The following SLC38A6 variants were observed in gnomAD, a reference collection of about 807,000 sequenced individuals.
The protein encoded by SLC38A6 is solute carrier family 38 member 6.
In SLC38A6, 73 loss-of-function variants were observed where a neutral mutation model predicts 65.0. The ratio of observed to expected loss-of-function variants is 1.12; its 90% confidence interval spans 0.93 to 1.37. The LOEUF (loss-of-function observed/expected upper bound fraction) is 1.37, where lower values mean the gene tolerates loss of function less well. Among genes scored for constraint, SLC38A6 ranks in the 40% most tolerant of loss-of-function variants. SLC38A6 has a pLI of 0.00. For synonymous variants in SLC38A6, 183 were observed against 178.8 expected (o/e 1.02, Z -0.19); for missense variants, 561 against 531.1 (o/e 1.06, Z -0.55).
At chr14:60,988,632 T>G (rs1042934086) in intron 3 of SLC38A6, among the ~76,000 whole-genome samples, 3 of 152,194 alleles carry the variant, frequency 2.0e-5, no homozygotes, top group Non-Finnish European at 4.4e-5. Flanking sequence ...TGTTTCTAAC[T>G]CACCCTCTCA....
At chr14:61,055,415 A>G (rs1386156163), downstream of SLC38A6, among the ~76,000 whole-genome samples, 7 of 5,384 alleles carry the variant, frequency 1.3e-3, no homozygotes, top group African/African-American at 4.5e-3. Context: ...ATGGTTTCCA[A>G]TTTCATCCAT....
intron 15 of SLC38A6, among the ~76,000 whole-genome samples, chr14:61,060,947 C>T (rs1164219922): frequency 2.0e-5 from 3 of 150,662 alleles, no homozygotes; most frequent in Non-Finnish European, 4.4e-5. Flanking sequence ...CCTTGCGCTT[C>T]CCAGGTGAGG....
intron 15 of SLC38A6, among the ~76,000 whole-genome samples, chr14:61,070,425 G>A (rs2043191469): frequency 6.6e-6 from 1 of 152,186 alleles, no homozygotes; most frequent in Non-Finnish European, 1.5e-5. Flanking sequence ...TCCATTGTAT[G>A]TGTATACCAC....
intron 3 of SLC38A6, among the ~76,000 whole-genome samples, chr14:61,007,242 G>A (rs2039201341): frequency 6.6e-6 from 1 of 152,064 alleles, no homozygotes; most frequent in African/African-American, 2.4e-5. Context: ...GTTAATGGGT[G>A]CAGCACACCA....
chr14:61,048,157 A>G (rs1170243904), intron 12 of SLC38A6: 1 of 454,336 alleles, frequency 2.2e-6, no homozygotes, highest in Non-Finnish European at 4.4e-6. Context: ...CCAGGATAAC[A>G]GGAGCTTTGT....
chr14:60,993,768 A>C (rs1158339539), intron 3 of SLC38A6, among the ~76,000 whole-genome samples: 1 of 152,218 alleles, frequency 6.6e-6, no homozygotes, highest in Admixed American at 6.5e-5. Flanking sequence ...TAGTCTTTTA[A>C]TGCATCACAC....
intron 11 of SLC38A6, 61 bp downstream of exon 11, chr14:61,045,486 C>A (rs573039383): frequency 7.2e-6 from 9 of 1,243,150 alleles, no homozygotes; most frequent in Non-Finnish European, 9.3e-6. Context: ...CTAAGGCTTT[C>A]GGATTGAATG....
chr14:60,996,884 A>G (rs1423369414), intron 3 of SLC38A6, among the ~76,000 whole-genome samples: 1 of 152,242 alleles, frequency 6.6e-6, no homozygotes, highest in African/African-American at 2.4e-5. Context: ...ATAGAATTCT[A>G]TAACTAGCCA....
downstream of SLC38A6, among the ~76,000 whole-genome samples, chr14:61,054,069 T>C (rs1433640127): frequency 1.3e-5 from 2 of 152,142 alleles, no homozygotes; most frequent in Admixed American, 6.6e-5. Flanking sequence ...AAGGAAAGGG[T>C]ACAGCTTCAA....
intron 6 of SLC38A6, among the ~76,000 whole-genome samples, chr14:61,036,378 G>A (rs1026120775): frequency 6.6e-6 from 1 of 151,280 alleles, no homozygotes; most frequent in Non-Finnish European, 1.5e-5. Flanking sequence ...TCACTCGTAA[G>A]TGAGAGTTGA....
chr14:61,017,010 G>T (rs1311015797), intron 4 of SLC38A6, among the ~76,000 whole-genome samples: 2 of 152,136 alleles, frequency 1.3e-5, no homozygotes, highest in South Asian at 2.1e-4. Flanking sequence ...AAGAAAACCT[G>T]TATTTACATT....
intron 3 of SLC38A6, among the ~76,000 whole-genome samples, chr14:61,006,775 G>A (rs1390239910): frequency 2.0e-5 from 3 of 152,130 alleles, no homozygotes; most frequent in African/African-American, 7.2e-5. Context: ...CGATTCCTCA[G>A]GGATCTAGAA....
intron 3 of SLC38A6, among the ~76,000 whole-genome samples, chr14:61,008,436 A>G (rs2039313541): frequency 6.6e-6 from 1 of 152,180 alleles, no homozygotes; most frequent in African/African-American, 2.4e-5. Context: ...GTTGAAAGAA[A>G]ACCCATGTAT....
chr14:61,000,944 CT>C (rs1335651402), intron 3 of SLC38A6, among the ~76,000 whole-genome samples: 1 of 152,168 alleles, frequency 6.6e-6, no homozygotes, highest in Non-Finnish European at 1.5e-5. Context: ...TGGTTGTGAG[CT>C]GTCCAAACTA....
At chr14:61,048,223 T>C (rs2042282723) in intron 12 of SLC38A6, 1 of 427,782 alleles carries the variant, frequency 2.3e-6, no homozygotes, top group Non-Finnish European at 4.6e-6. Context: ...TAGCCTCAAC[T>C]TAAGGCTTCC....
At chr14:61,042,738 T>C (rs190515308) in intron 8 of SLC38A6, among the ~76,000 whole-genome samples, 90 of 152,332 alleles carry the variant, frequency 5.9e-4, no homozygotes, top group East Asian at 5.6e-3. Context: ...ACTTATTTCT[T>C]CCTGTGGCCT....
At chr14:61,062,332 TG>T (rs1217912923) in intron 15 of SLC38A6, among the ~76,000 whole-genome samples, 1 of 152,190 alleles carries the variant, frequency 6.6e-6, no homozygotes, top group Non-Finnish European at 1.5e-5. Flanking sequence ...CAGCATTTGG[TG>T]GTGTCAGTGT....
chr14:61,037,327 A>T (rs2041462026), intron 7 of SLC38A6, among the ~76,000 whole-genome samples, 186 bp downstream of exon 7: 1 of 152,106 alleles, frequency 6.6e-6, no homozygotes. Context: ...TGCCTAGTTA[A>T]CCTATTACTT....
At chr14:61,048,417 A>G (rs2042292896) in intron 12 of SLC38A6, 1 of 253,422 alleles carries the variant, frequency 3.9e-6, no homozygotes, top group South Asian at 4.7e-5. Flanking sequence ...TCAATGGCAT[A>G]TATAACTTGC....
Sources: gnomAD v4.1 joint callset for allele counts (sites outside exome capture counted in the v4.1 genomes callset) on GRCh38, gnomAD v4.1.1 for gene constraint, MANE v1.5 for transcripts, NCBI Gene and HGNC (gene_info 2026-07-23, HGNC 2026-07-21) for gene names.